The following IFT74 variants were observed in gnomAD, a reference collection of about 807,000 sequenced individuals.
IFT74 encodes intraflagellar transport 74, also known as intraflagellar transport protein 74 homolog.
IFT74 carries 92 observed loss-of-function variants against 96.7 expected under a neutral mutation model. The ratio of observed to expected loss-of-function variants is 0.95; its 90% CI spans 0.80 to 1.13. The LOEUF (loss-of-function observed/expected upper bound fraction) is 1.13. IFT74 is among the 50% of genes most tolerant of loss of function. The pLI, the probability that IFT74 is intolerant of heterozygous loss-of-function variation, is 0.00. For missense variants in IFT74, 811 were observed against 698.2 expected, an observed-to-expected ratio of 1.16 and a Z score of -1.82; for synonymous variants, 223 against 213.2, an observed-to-expected ratio of 1.05 and a Z score of -0.40.
At chr9:27,018,313 C>G (rs1486665034) in intron 11 of IFT74, among the ~76,000 whole-genome samples, 3 of 152,082 alleles carry the variant, frequency 2.0e-5, no homozygotes, top group South Asian at 2.1e-4. Flanking sequence ...ATCTAGCAAC[C>G]CTACCTTGTG....
chr9:26,976,627 T>A, intron 2 of IFT74: 1 of 401,146 alleles, frequency 2.5e-6, no homozygotes, highest in South Asian at 1.9e-5. Flanking sequence ...GAATGTGAGC[T>A]GGGGCTGTGG....
chr9:27,052,273 G>T (rs1819957418), intron 16 of IFT74, among the ~76,000 whole-genome samples: 1 of 152,118 alleles, frequency 6.6e-6, no homozygotes, highest in African/African-American at 2.4e-5. Context: ...ACTTTGGGAG[G>T]CCAAGGCGGG....
chr9:27,019,100 A>C (rs1829481627), intron 12 of IFT74, among the ~76,000 whole-genome samples: 1 of 152,038 alleles, frequency 6.6e-6, no homozygotes, highest in Non-Finnish European at 1.5e-5. Context: ...GACTACAGGC[A>C]CACACCACCA....
chr9:26,957,994 C>T (rs1225786361), intron 1 of IFT74, among the ~76,000 whole-genome samples: 1 of 152,078 alleles, frequency 6.6e-6, no homozygotes, highest in Non-Finnish European at 1.5e-5. Context: ...ATCTCGTGAT[C>T]CACCCGCCTC....
intron 2 of IFT74, among the ~76,000 whole-genome samples, chr9:26,973,163 C>A (rs972456017): frequency 6.6e-6 from 1 of 152,228 alleles, no homozygotes; most frequent in Non-Finnish European, 1.5e-5. Context: ...AAATCTATTA[C>A]TGTGAACCAC....
At chr9:27,012,347 C>G (rs1336431732) in intron 10 of IFT74, among the ~76,000 whole-genome samples, 1 of 152,124 alleles carries the variant, frequency 6.6e-6, no homozygotes. Context: ...CTCAGGTTCC[C>G]AAGTAGCTAG....
At chr9:26,953,041 T>C (rs1390600916), upstream of IFT74, among the ~76,000 whole-genome samples, 1 of 152,158 alleles carries the variant, frequency 6.6e-6, no homozygotes, top group East Asian at 1.9e-4. Flanking sequence ...ACATTGACTT[T>C]TAGGAGAACA....
At chr9:27,032,900 T>TAA (rs1830190459) in intron 13 of IFT74, among the ~76,000 whole-genome samples, 3 of 152,002 alleles carry the variant, frequency 2.0e-5, no homozygotes, top group African/African-American at 7.2e-5. Flanking sequence ...TCTTTTAAAC[T>TAA]ACTTAAAATT....
At chr9:27,056,553 C>A in intron 18 of IFT74, 94 bp downstream of exon 18, 3 of 1,095,162 alleles carry the variant, frequency 2.7e-6, no homozygotes, top group Non-Finnish European at 2.6e-6. Context: ...CTTTATATAC[C>A]TTCTAGATTT....
chr9:27,008,081 A>G (rs1008640603), intron 8 of IFT74, among the ~76,000 whole-genome samples: 9 of 152,228 alleles, frequency 5.9e-5, no homozygotes, highest in African/African-American at 2.2e-4. Context: ...TTGTGTTTTT[A>G]GAGAAATGAG....
At chr9:26,957,417 A>C (rs527988899) in intron 1 of IFT74, among the ~76,000 whole-genome samples, 1 of 152,330 alleles carries the variant, frequency 6.6e-6, no homozygotes, top group South Asian at 2.1e-4. Context: ...TTCCTTTTCA[A>C]AGAGTCATTT....
At chr9:27,010,253 T>C (rs1052797128) in intron 9 of IFT74, among the ~76,000 whole-genome samples, 1 of 151,872 alleles carries the variant, frequency 6.6e-6, no homozygotes, top group Non-Finnish European at 1.5e-5. Flanking sequence ...CCTCCCAAAG[T>C]GCTGGTATTA....
intron 13 of IFT74, chr9:27,036,440 TC>T (rs780266951): frequency 6.2e-7 from 1 of 1,613,386 alleles, no homozygotes; most frequent in Non-Finnish European, 8.5e-7. Context: ...CACGGGTTCT[TC>T]ATCTGCAGAT....
chr9:26,992,603 G>A (rs1001302642), intron 8 of IFT74, among the ~76,000 whole-genome samples: 2 of 151,736 alleles, frequency 1.3e-5, no homozygotes, highest in Non-Finnish European at 2.9e-5. Context: ...TGAGGCACGC[G>A]AATCACTTGA....
chr9:27,064,406 G>T lies in IFT74; in HGVS notation c.*1670G>T, dbSNP rs935069355. Among the ~76,000 whole-genome samples, 2 of 152,122 alleles carry T rather than the reference G, an allele frequency of 1.3e-5. No homozygotes were observed. Among genetic ancestry groups the T allele is most frequent in the African/African-American group, 2.4e-5 (1 of 41,452 alleles). Reference sequence around the variant, plus strand: ...AACTCTTTTAGCAGTTAAAGAGAATGAAATCTGAAATTCAGTAGATAAAAC... The same window carrying T: ...AACTCTTTTAGCAGTTAAAGAGAATTAAATCTGAAATTCAGTAGATAAAAC... On this transcript the variant is annotated 3_prime_UTR_variant, in exon 20 of 20. Transcript: ENST00000380062.
chr9:27,044,901 C>T (rs1819635246), intron 14 of IFT74, 106 bp downstream of exon 14: 1 of 594,744 alleles, frequency 1.7e-6, no homozygotes, highest in African/African-American at 1.9e-5. Context: ...CTAATAAATG[C>T]AGAAGTGTGG....
intron 13 of IFT74, among the ~76,000 whole-genome samples, chr9:27,033,210 C>A (rs561084806): frequency 3.2e-4 from 49 of 152,144 alleles, no homozygotes; most frequent in South Asian, 8.3e-4. Context: ...ATACTTCATT[C>A]TGAGAAATGG....
chr9:26,995,902 A>T (rs1374034336), intron 8 of IFT74: 20 of 1,250,224 alleles, frequency 1.6e-5, no homozygotes, highest in Non-Finnish European at 1.8e-5. Flanking sequence ...TAAGTTGGCA[A>T]AATAATCATA....
chr9:27,039,309 G>A lies in IFT74; in HGVS notation c.1055-5433G>A, dbSNP rs530122565. On this transcript the variant is annotated intron_variant, in intron 13 of 19. Transcript: ENST00000380062. ...GCCTCCCAAAGTATTGGGATCATAGGTGTGAGCCACTGTGCTCAGCCAGAA... is the reference window on the plus strand; with the variant it reads ...GCCTCCCAAAGTATTGGGATCATAGATGTGAGCCACTGTGCTCAGCCAGAA... Among the ~76,000 whole-genome samples the A allele has an allele frequency of 9.2e-5, 14 of 152,230 alleles. No individual in the cohort carries two copies. In the South Asian group the frequency reaches 2.7e-3, roughly 29 times the overall value.
Sources: allele counts gnomAD v4.1 joint callset (sites outside exome capture counted in the v4.1 genomes callset), GRCh38; gene constraint gnomAD v4.1.1; transcripts MANE v1.5; gene names NCBI Gene and HGNC (gene_info 2026-07-23, HGNC 2026-07-21).